Variants in ASTN2 observed in about 807,000 individuals in gnomAD.
The protein encoded by ASTN2 is astrotactin 2, also known as astrotactin-2.
Under a neutral mutation model 139.8 loss-of-function variants are expected in ASTN2, and 54 were observed. The observed-to-expected ratio is 0.39, with a 90% CI of 0.31 to 0.48. ASTN2 has a LOEUF of 0.48. Ranked by LOEUF, ASTN2 falls within the 20% of genes least tolerant of loss-of-function variation. The probability of loss-of-function intolerance (pLI) is 0.95; values close to 1 mark genes in which losing one functional copy is unlikely to be tolerated. For synonymous variants in ASTN2, 756 were observed against 719.5 expected (o/e 1.05, Z -0.81); for missense variants, 1,565 against 1,725.1 (o/e 0.91, Z 1.64).
intron 2 of ASTN2, among the ~76,000 whole-genome samples, chr9:117,215,474 T>TATATATATA (rs1007175900): frequency 6.7e-6 from 1 of 148,354 alleles, no homozygotes; most frequent in African/African-American, 2.5e-5. Flanking sequence ...AACTGATATA[T>TATATATATA]ATATATATAA....
At chr9:116,684,951 A>G (rs550637051) in intron 16 of ASTN2, among the ~76,000 whole-genome samples, 2 of 152,298 alleles carry the variant, frequency 1.3e-5, no homozygotes, top group South Asian at 4.1e-4. Context: ...TTTAGTCTGT[A>G]GTTCATAGTT....
chr9:117,007,298 G>C (rs969674551), intron 7 of ASTN2, among the ~76,000 whole-genome samples: 6 of 152,064 alleles, frequency 3.9e-5, no homozygotes, highest in Non-Finnish European at 7.4e-5. Flanking sequence ...ACCTAACAGA[G>C]TCATATAATT....
At chr9:116,490,272 T>TAAAAAAAAAAAAATAAA (rs1849472163) in intron 19 of ASTN2, among the ~76,000 whole-genome samples, 1 of 37,912 alleles carries the variant, frequency 2.6e-5, no homozygotes, top group Non-Finnish European at 4.5e-5. Context: ...TGATAAAAAG[T>TAAAAAAAAAAAAATAAA]AAAAAAAAAA....
At chr9:117,101,074 C>A (rs1456269305) in intron 4 of ASTN2, among the ~76,000 whole-genome samples, 2 of 152,120 alleles carry the variant, frequency 1.3e-5, no homozygotes, top group Admixed American at 6.5e-5. Flanking sequence ...GCACAAAGAC[C>A]AAGAAGTGAG....
At chr9:116,500,530 C>A (rs1265463970) in intron 19 of ASTN2, among the ~76,000 whole-genome samples, 2 of 152,210 alleles carry the variant, frequency 1.3e-5, no homozygotes, top group Non-Finnish European at 1.5e-5. Context: ...CCCACCCTTA[C>A]TGTGTCCCTC....
At chr9:117,148,689 G>A (rs923831575) in intron 3 of ASTN2, among the ~76,000 whole-genome samples, 4 of 152,082 alleles carry the variant, frequency 2.6e-5, no homozygotes, top group African/African-American at 9.7e-5. Flanking sequence ...ATGATATCCA[G>A]GTATTTGGCC....
chr9:116,902,185 G>A (rs1834028712), intron 10 of ASTN2, among the ~76,000 whole-genome samples: 1 of 152,172 alleles, frequency 6.6e-6, no homozygotes, highest in Non-Finnish European at 1.5e-5. Flanking sequence ...TACTGCCCCA[G>A]AAGACTTTCC....
chr9:117,179,014 C>T (rs1372197079), intron 3 of ASTN2, among the ~76,000 whole-genome samples: 3 of 152,176 alleles, frequency 2.0e-5, no homozygotes, highest in Non-Finnish European at 2.9e-5. Flanking sequence ...AGCGGATATT[C>T]CCTGAGAGTA....
chr9:116,971,484 T>C (rs986334732), intron 10 of ASTN2, among the ~76,000 whole-genome samples: 1 of 152,218 alleles, frequency 6.6e-6, no homozygotes, highest in African/African-American at 2.4e-5. Flanking sequence ...TAGGGCACTC[T>C]ATGTTTACCA....
At chr9:117,393,940 G>C (rs147538025) in intron 1 of ASTN2, among the ~76,000 whole-genome samples, 57 of 152,266 alleles carry the variant, frequency 3.7e-4, no homozygotes, top group Middle Eastern at 3.4e-3. Flanking sequence ...ATTCCTACTG[G>C]TAAGTGTGAT....
intron 1 of ASTN2, among the ~76,000 whole-genome samples, chr9:117,362,972 GGT>G (rs1275548814): frequency 6.6e-6 from 1 of 152,018 alleles, no homozygotes; most frequent in Non-Finnish European, 1.5e-5. Flanking sequence ...CTACCCTCTT[GGT>G]GTGTGTGTAC....
chr9:116,492,105 A>T (rs1261950300), intron 19 of ASTN2, among the ~76,000 whole-genome samples: 1 of 151,236 alleles, frequency 6.6e-6, no homozygotes. Flanking sequence ...TTTTTGAGAA[A>T]AAGTCTTTCT....
At chr9:116,541,573 GATAGT>G (rs1851879021) in intron 19 of ASTN2, among the ~76,000 whole-genome samples, 2 of 152,152 alleles carry the variant, frequency 1.3e-5, no homozygotes, top group Non-Finnish European at 2.9e-5. Context: ...AATTACAGCT[GATAGT>G]ACTAAGGTAC....
At chr9:117,085,373 A>G (rs181202972) in intron 5 of ASTN2, among the ~76,000 whole-genome samples, 2 of 152,298 alleles carry the variant, frequency 1.3e-5, no homozygotes, top group Admixed American at 1.3e-4. Flanking sequence ...AAAATATTTT[A>G]AGTATTTTCC....
chr9:116,928,355 T>A (rs78417701), intron 10 of ASTN2, among the ~76,000 whole-genome samples: 6,853 of 146,502 alleles, frequency 0.047, 469 homozygotes, highest in African/African-American at 0.15. Flanking sequence ...TATCTTTAAA[T>A]AGAAATTCCA....
intron 19 of ASTN2, among the ~76,000 whole-genome samples, chr9:116,597,370 C>A (rs915620738): frequency 2.1e-4 from 26 of 126,024 alleles, no homozygotes; most frequent in Admixed American, 1.0e-4. Context: ...TGCAGTGGTG[C>A]GATCTTGGCT....
intron 13 of ASTN2, among the ~76,000 whole-genome samples, chr9:116,801,581 G>A (rs1266528024): frequency 7.7e-5 from 4 of 51,910 alleles, no homozygotes; most frequent in African/African-American, 3.4e-4. Flanking sequence ...GTGAGGCTCT[G>A]TCTCAAAAAA....
intron 1 of ASTN2, among the ~76,000 whole-genome samples, chr9:117,318,061 G>A (rs1828203220): frequency 6.6e-6 from 1 of 152,196 alleles, no homozygotes; most frequent in Admixed American, 6.5e-5. Flanking sequence ...AAACCACAGT[G>A]GGATGCAGGC....
chr9:117,214,210 G>A (rs1416374530), intron 3 of ASTN2, 148 bp downstream of exon 3: 1 of 968,624 alleles, frequency 1.0e-6, no homozygotes, highest in East Asian at 2.4e-5. Context: ...AGACAAACTT[G>A]ATAACCCAAC....
Sources: gnomAD v4.1 joint callset for allele counts (sites outside exome capture counted in the v4.1 genomes callset) on GRCh38, gnomAD v4.1.1 for gene constraint, MANE v1.5 for transcripts, NCBI Gene and HGNC (gene_info 2026-07-23, HGNC 2026-07-21) for gene names.